Variants in PALLD observed in about 807,000 individuals in gnomAD.
PALLD encodes the protein palladin.
PALLD carries 61 observed loss-of-function variants against 123.5 expected under a neutral mutation model. The ratio of observed to expected loss-of-function variants is 0.49; its 90% CI spans 0.40 to 0.61. The LOEUF is 0.61. Among genes scored for constraint, PALLD ranks in the 20% least tolerant of loss-of-function variants. PALLD has a pLI of 0.00. For missense variants in PALLD, 1,273 were observed against 1,377.0 expected, an observed-to-expected ratio of 0.92 and a Z score of 1.20; for synonymous variants, 465 against 496.4, an observed-to-expected ratio of 0.94 and a Z score of 0.84.
intron 2 of PALLD, among the ~76,000 whole-genome samples, chr4:168,582,143 G>T (rs774311042): frequency 4.6e-5 from 7 of 151,858 alleles, no homozygotes; most frequent in Non-Finnish European, 7.4e-5. Flanking sequence ...GTATCTTACT[G>T]CTCTCATTAC....
intron 1 of PALLD, among the ~76,000 whole-genome samples, chr4:168,510,562 T>C (rs1762438911): frequency 6.6e-6 from 1 of 152,230 alleles, no homozygotes; most frequent in Non-Finnish European, 1.5e-5. Context: ...TTTCAGCCCC[T>C]GAGCCAAATC....
intron 1 of PALLD, among the ~76,000 whole-genome samples, chr4:168,501,317 A>C (rs569983730): frequency 6.6e-6 from 1 of 152,226 alleles, no homozygotes; most frequent in African/African-American, 2.4e-5. Flanking sequence ...GGGAAGCTAA[A>C]GTAAAAGGAT....
At chr4:168,512,676 C>G (rs1445758870) in intron 2 of PALLD, among the ~76,000 whole-genome samples, 1 of 152,118 alleles carries the variant, frequency 6.6e-6, no homozygotes, top group East Asian at 1.9e-4. Flanking sequence ...AGTTTGTTCT[C>G]TAAGATGGTG....
rs180773626 is a variant in PALLD at position 168,902,255 on chromosome 4, G to T, written c.2473-1502G>T. Among the ~76,000 whole-genome samples the T allele has an allele frequency of 1.5e-4, 23 of 152,266 alleles. No homozygotes were observed. The East Asian group carries it at 4.0e-3, about 27-fold the overall frequency. On this transcript the variant is annotated intron_variant, in intron 14 of 21. Transcript: ENST00000505667. ...CAACTAAAGGGTCTAAAGTATATTT[G>T]TTTTGTTAGGAATCAGGAATACTTT...
intron 2 of PALLD, among the ~76,000 whole-genome samples, chr4:168,543,456 CTG>C (rs1561229279): frequency 6.6e-6 from 1 of 151,736 alleles, no homozygotes; most frequent in Non-Finnish European, 1.5e-5. Context: ...AACACAATCT[CTG>C]TAAGTTTTCC....
At chr4:168,825,444 A>C (rs1369650558) in intron 10 of PALLD, among the ~76,000 whole-genome samples, 1 of 152,246 alleles carries the variant, frequency 6.6e-6, no homozygotes, top group African/African-American at 2.4e-5. Flanking sequence ...TTGCCTAATG[A>C]GAAAAATAAA....
At chr4:168,785,844 G>GATATATATATATATATATAT (rs1230880749) in intron 10 of PALLD, among the ~76,000 whole-genome samples, 44 of 53,198 alleles carry the variant, frequency 8.3e-4, no homozygotes, top group African/African-American at 1.2e-3. Context: ...ATAAACTGTA[G>GATATATATATATATATATAT]AGATATATAT....
chr4:168,778,842 G>C (rs1735518954), intron 10 of PALLD, among the ~76,000 whole-genome samples: 1 of 152,128 alleles, frequency 6.6e-6, no homozygotes, highest in Non-Finnish European at 1.5e-5. Context: ...TTTAATTTTT[G>C]TACAGGCAGA....
chr4:168,606,581 G>A (rs1245234276), intron 2 of PALLD, among the ~76,000 whole-genome samples: 1 of 150,940 alleles, frequency 6.6e-6, no homozygotes, highest in African/African-American at 2.4e-5. Flanking sequence ...GGCTGAGGCA[G>A]GAGAATGGCT....
chr4:168,728,721 C>T (rs1786843364), intron 10 of PALLD, among the ~76,000 whole-genome samples: 1 of 151,672 alleles, frequency 6.6e-6, no homozygotes, highest in South Asian at 2.1e-4. Context: ...TTTATTTTCC[C>T]ATAAGTTATT....
At chr4:168,645,903 A>G (rs561358581) in intron 2 of PALLD, among the ~76,000 whole-genome samples, 1 of 152,280 alleles carries the variant, frequency 6.6e-6, no homozygotes, top group African/African-American at 2.4e-5. Flanking sequence ...GGATTATTGA[A>G]GTAACATATG....
At chr4:168,644,544 C>T (rs956561207) in intron 2 of PALLD, among the ~76,000 whole-genome samples, 15 of 152,150 alleles carry the variant, frequency 9.9e-5, no homozygotes, top group Non-Finnish European at 1.9e-4. Context: ...CATCATCCAG[C>T]GTTGCCCCTG....
At chr4:168,682,917 A>T in intron 4 of PALLD, 81 bp from the exon 5 acceptor site, 1 of 793,668 alleles carries the variant, frequency 1.3e-6, no homozygotes, top group Non-Finnish European at 2.1e-6. Flanking sequence ...CGTTTCAAGG[A>T]ATTATTTCTG....
chr4:168,678,443 T>C (rs1273995000), intron 3 of PALLD, among the ~76,000 whole-genome samples: 1 of 152,110 alleles, frequency 6.6e-6, no homozygotes, highest in African/African-American at 2.4e-5. Flanking sequence ...GTGAGTGCTG[T>C]AAACAAGAAC....
chr4:168,906,602 T>C (rs972743073), intron 15 of PALLD, among the ~76,000 whole-genome samples: 11 of 152,184 alleles, frequency 7.2e-5, no homozygotes, highest in African/African-American at 2.7e-4. Context: ...AATTATAATT[T>C]ATCAATTAGA....
At chr4:168,508,114 A>AT (rs1678585855) in intron 1 of PALLD, among the ~76,000 whole-genome samples, 1 of 152,150 alleles carries the variant, frequency 6.6e-6, no homozygotes, top group African/African-American at 2.4e-5. Context: ...AACATACTCT[A>AT]TAGTTTCAAA....
chr4:168,564,710 A>G (rs1349226392), intron 2 of PALLD, among the ~76,000 whole-genome samples: 1 of 152,178 alleles, frequency 6.6e-6, no homozygotes, highest in Non-Finnish European at 1.5e-5. Flanking sequence ...ATATGCACAA[A>G]ATGAATTTCT....
chr4:168,574,618 T>C (rs1769354685), intron 2 of PALLD, among the ~76,000 whole-genome samples: 1 of 152,154 alleles, frequency 6.6e-6, no homozygotes, highest in African/African-American at 2.4e-5. Context: ...GTCTAACCTG[T>C]GGTAGATGCT....
chr4:168,757,518 TA>T (rs1732055105), intron 10 of PALLD, among the ~76,000 whole-genome samples: 1 of 152,236 alleles, frequency 6.6e-6, no homozygotes, highest in Non-Finnish European at 1.5e-5. Context: ...AACTCTCATT[TA>T]TTAGTTTACT....
Sources: gnomAD v4.1 joint callset for allele counts (sites outside exome capture counted in the v4.1 genomes callset) on GRCh38, gnomAD v4.1.1 for gene constraint, MANE v1.5 for transcripts, NCBI Gene and HGNC (gene_info 2026-07-23, HGNC 2026-07-21) for gene names.